Variants in CST1 observed in about 807,000 individuals in gnomAD.
CST1 encodes cystatin-SN.
In CST1, 19 loss-of-function variants were observed where a neutral mutation model predicts 10.7. That is an observed-to-expected ratio of 1.78 (90% confidence interval 1.24 to 2.61). The LOEUF is 2.61. Ranked by LOEUF, CST1 falls within the 30% of genes most tolerant of loss-of-function variation. The pLI is 0.00. For missense variants in CST1, 247 were observed against 178.1 expected, an observed-to-expected ratio of 1.39 and a Z score of -2.20; for synonymous variants, 95 against 72.8, an observed-to-expected ratio of 1.31 and a Z score of -1.55.
chr20:23,748,758 C>T (rs1982742576), intron 2 of CST1, among the ~76,000 whole-genome samples: 1 of 152,040 alleles, frequency 6.6e-6, no homozygotes, highest in Non-Finnish European at 1.5e-5. Flanking sequence ...CCCCACACAT[C>T]CATGCACAGG....
In CST1 at chr20:23,750,916, G is replaced by A; in HGVS notation, c.-50C>T. ...AGCTGGAGCTGCAGGAGAGGAGGGT[G>A]AGAGCCCGAGGCAGGGAGCCCAGAC... On this transcript the variant is annotated 5_prime_UTR_variant, in exon 1 of 3. Transcript: ENST00000304749. 1 of 1,501,146 alleles carries A rather than the reference G, an allele frequency of 6.7e-7. No homozygotes were observed. 93.0% of individuals were successfully genotyped at this position (1,501,146 alleles called of 1,614,324 possible). A position where few individuals can be genotyped will look rare whatever the true frequency, so the allele number is the denominator to read the frequency against.
intron 2 of CST1, 123 bp from the exon 3 acceptor site, chr20:23,748,022 C>T: frequency 1.1e-6 from 1 of 907,004 alleles, no homozygotes; most frequent in Non-Finnish European, 1.8e-6. Context: ...CCTCACCCAC[C>T]CCTACTGAGT....
chr20:23,748,280 C>T (rs1460388311), intron 2 of CST1, among the ~76,000 whole-genome samples: 1 of 152,098 alleles, frequency 6.6e-6, no homozygotes, highest in Non-Finnish European at 1.5e-5. Flanking sequence ...AGGGAAGAAC[C>T]CAGGGCAGGG....
rs748917392 is a variant in CST1 at position 23,747,774 on chromosome 20, G to A, written c.*42C>T. The A allele has an allele frequency of 1.9e-6, 3 of 1,586,996 alleles. No homozygotes were observed. The highest frequency in any genetic ancestry group is 1.1e-5 in the South Asian group (1 of 89,966). On this transcript the variant is annotated 3_prime_UTR_variant, in exon 3 of 3. Coordinates refer to ENST00000304749, the MANE Select transcript of CST1 (RefSeq NM_001898.3). ...CAGGGGTGGGAGCACTACAGGGGGT[G>A]GGAGTGGGTGGTGGCTGGTGCGAAT...
intron 1 of CST1, among the ~76,000 whole-genome samples, 171 bp from the exon 2 acceptor site, chr20:23,749,300 C>A (rs919564675): frequency 1.1e-4 from 16 of 152,164 alleles, no homozygotes; most frequent in Admixed American, 2.0e-4. Context: ...GAGCCTCATA[C>A]CCGCTCTTAA....
At position 23,750,828 on chromosome 20, in the gene CST1, G is replaced by A. The variant is rs141813234; in HGVS notation, c.39C>T (p.Ala13=). 4.9e-4 allele frequency: 788 copies of A among 1,613,670 alleles called. 1 individual carries two copies. The highest frequency in any genetic ancestry group is 3.5e-3 in the Middle Eastern group (21 of 6,056). The change falls in exon 1 of 3, where the codon GCC becomes GCT. Residue 13 remains alanine, a synonymous_variant. Coordinates refer to ENST00000304749, the MANE Select transcript of CST1 (RefSeq NM_001898.3). ...TCCAGGCCAGGGCCACAGCTAGGGT[G>A]GCCAGCAGGAGCAGCAGGGTACTCA... ...QYLSTLLLLL[A]TLAVALAWSP...
chr20:23,747,770 G>T lies in CST1; in HGVS notation c.*46C>A. 1.3e-6 allele frequency: 2 copies of T among 1,580,894 alleles called. No homozygotes were observed. Among genetic ancestry groups the T allele is most frequent in the South Asian group, 2.2e-5 (2 of 89,742 alleles). On this transcript the variant is annotated 3_prime_UTR_variant, in exon 3 of 3. Transcript: ENST00000304749. The stretch of plus-strand genomic sequence containing the variant: ...AGTCCAGGGGTGGGAGCACTACAGG[G>T]GGTGGGAGTGGGTGGTGGCTGGTGC...
rs1260860665 is a variant in CST1 at position 23,750,627 on chromosome 20, G to T, written c.228+12C>A. ...TGGGACCCAGGACCCCTGGGGTGGA[G>T]GGAGCACCTACCTGTTGCCTGGCTC... On this transcript the variant is annotated intron_variant, in intron 1 of 2. Coordinates refer to ENST00000304749, the MANE Select transcript of CST1 (RefSeq NM_001898.3). The T allele has an allele frequency of 6.2e-7, 1 of 1,613,148 alleles. No individual in the cohort carries two copies. The highest frequency in any genetic ancestry group is 8.5e-7 in the Non-Finnish European group (1 of 1,179,606).
Position 23,747,594 on chromosome 20 carries a change from G to C in CST1, c.*222C>G. 1 of 577,628 alleles carries C rather than the reference G, an allele frequency of 1.7e-6. No homozygotes were observed. The highest frequency in any genetic ancestry group is 2.3e-5 in the South Asian group (1 of 44,356). 35.8% of individuals were successfully genotyped at this position (577,628 alleles called of 1,614,324 possible). On this transcript the variant is annotated 3_prime_UTR_variant, in exon 3 of 3. Transcript: ENST00000304749. ...CTACTGTTTAATTGCAGGAGGTGGG[G>C]GGGTGTGTACCATGTACCAGGGCTA...
chr20:23,750,699 G>C lies in CST1; in HGVS notation c.168C>G (p.Asn56Lys). Residue 56 changes from asparagine (N) to lysine (K), a missense_variant, in exon 1 of 3, where the codon AAC becomes AAG. Coordinates refer to ENST00000304749, the MANE Select transcript of CST1 (RefSeq NM_001898.3). ...TGTAGTAGTCATCTTTGGTGGCCTT[G>C]TTATACTCGCTGATGGCGAAGTGAA... is the stretch of plus-strand genomic sequence containing the variant. ...RALHFAISEY[N>K]KATKDDYYRR... is the part of the protein sequence containing the mutation. 2 of 1,614,148 alleles carry C rather than the reference G, an allele frequency of 1.2e-6. No homozygotes were observed. Among genetic ancestry groups the C allele is most frequent in the South Asian group, 1.1e-5 (1 of 91,080 alleles).
chr20:23,747,669 A>G lies in CST1; in HGVS notation c.*147T>C, dbSNP rs1284749570. 3 of 703,738 alleles carry G rather than the reference A, an allele frequency of 4.3e-6. No homozygotes were observed. Among genetic ancestry groups the G allele is most frequent in the South Asian group, 1.8e-5 (1 of 54,768 alleles). 43.6% of individuals were successfully genotyped at this position (703,738 alleles called of 1,614,324 possible). A position where few individuals can be genotyped will look rare whatever the true frequency, so the allele number is the denominator to read the frequency against. On this transcript the variant is annotated 3_prime_UTR_variant, in exon 3 of 3. Coordinates refer to ENST00000304749, the MANE Select transcript of CST1 (RefSeq NM_001898.3). ...GGGCAGAGCGCCCTGCTGAGCAACAAAGGACTCCTGCAGCCTTCTCTGTCT... is the reference window on the plus strand; with the variant it reads ...GGGCAGAGCGCCCTGCTGAGCAACAGAGGACTCCTGCAGCCTTCTCTGTCT...
intron 2 of CST1, among the ~76,000 whole-genome samples, 169 bp downstream of exon 2, chr20:23,748,847 C>T (rs371259412): frequency 6.6e-6 from 1 of 151,908 alleles, no homozygotes; most frequent in Non-Finnish European, 1.5e-5. Flanking sequence ...TGCACACCTA[C>T]ATGCACACCC....
At chr20:23,750,589 G>C (rs1982803795) in intron 1 of CST1, 50 bp downstream of exon 1, 2 of 1,555,510 alleles carry the variant, frequency 1.3e-6, no homozygotes, top group Non-Finnish European at 1.8e-6. Flanking sequence ...GGGGGTTGGG[G>C]AACAAACCAG....
At position 23,750,809 on chromosome 20, in the gene CST1, C is replaced by G. The variant is rs1425228752; in HGVS notation, c.58G>C (p.Ala20Pro). ...LLLATLAVAL[A>P]WSPKEEDRII... ...CTATCCTCCTCCTTGGGGCTCCAGG[C>G]CAGGGCCACAGCTAGGGTGGCCAGC... The change falls in exon 1 of 3, where the codon GCC becomes CCC. Residue 20 changes from alanine to proline, a missense_variant. Physicochemically the swap from Ala to Pro is conservative, Grantham distance 27 (BLOSUM62 -1). Transcript: ENST00000304749. The G allele has an allele frequency of 6.2e-7, 1 of 1,613,960 alleles. No homozygotes were observed. Among genetic ancestry groups the G allele is most frequent in the Non-Finnish European group, 8.5e-7 (1 of 1,180,010 alleles).
At chr20:23,748,691 C>T (rs1234781208) in intron 2 of CST1, among the ~76,000 whole-genome samples, 2 of 152,154 alleles carry the variant, frequency 1.3e-5, no homozygotes, top group Non-Finnish European at 2.9e-5. Context: ...TGGACAACTA[C>T]GTAAACTCAC....
intron 1 of CST1, 69 bp from the exon 2 acceptor site, chr20:23,749,198 G>C (rs1259770222): frequency 4.8e-5 from 66 of 1,381,262 alleles, no homozygotes; most frequent in South Asian, 1.4e-4. Flanking sequence ...CACTGTGGCT[G>C]AGTCACTGGA....
chr20:23,749,147 C>G lies in CST1; in HGVS notation c.229-18G>C. 3 of 1,613,538 alleles carry G rather than the reference C, an allele frequency of 1.9e-6. No homozygotes were observed. Among genetic ancestry groups the G allele is most frequent in the Non-Finnish European group, 1.7e-6 (2 of 1,179,522 alleles). ...CCAACGGTCTGCACACAGGAGAAAA[C>G]AGGACAGCGCCCCCATCAGTTCATG... On this transcript the variant is annotated intron_variant, in intron 1 of 2. Transcript: ENST00000304749.
intron 1 of CST1, 77 bp downstream of exon 1, chr20:23,750,562 T>G: frequency 7.7e-7 from 1 of 1,296,678 alleles, no homozygotes; most frequent in Non-Finnish European, 1.1e-6. Flanking sequence ...CAGTGTTGAT[T>G]TGCTGGGAAT....
chr20:23,750,833 G>A lies in CST1; in HGVS notation c.34C>T (p.Leu12=). 1.2e-6 allele frequency: 2 copies of A among 1,613,484 alleles called. No homozygotes were observed. The highest frequency in any genetic ancestry group is 2.2e-5 in the South Asian group (2 of 90,948). The change falls in exon 1 of 3, where the codon CTG becomes TTG. Residue 12 remains leucine, a synonymous_variant. Transcript: ENST00000304749. The part of the protein sequence containing the change: ...AQYLSTLLLL[L]ATLAVALAWS... The stretch of plus-strand genomic sequence containing the variant: ...GCCAGGGCCACAGCTAGGGTGGCCA[G>A]CAGGAGCAGCAGGGTACTCAGATAC...
Sources: allele counts gnomAD v4.1 joint callset (sites outside exome capture counted in the v4.1 genomes callset), GRCh38; gene constraint gnomAD v4.1.1; transcripts MANE v1.5; gene names NCBI Gene and HGNC (gene_info 2026-07-23, HGNC 2026-07-21).